The following SOX6 variants were observed in gnomAD, a reference collection of about 807,000 sequenced individuals.
SOX6 encodes the protein SRY-box transcription factor 6.
A neutral mutation model predicts 97.8 loss-of-function variants in SOX6; 11 were observed. That is an observed-to-expected ratio of 0.11 (90% CI 0.07 to 0.19). The LOEUF is 0.19. Among genes scored for constraint, SOX6 ranks in the 10% least tolerant of loss-of-function variants. SOX6 has a pLI of 1.00. For synonymous variants in SOX6, 360 were observed against 371.4 expected (o/e 0.97, Z 0.35); for missense variants, 810 against 1,039.5 (o/e 0.78, Z 3.04).
intron 2 of SOX6, among the ~76,000 whole-genome samples, chr11:16,328,361 T>G (rs1241115348): frequency 6.6e-6 from 1 of 152,296 alleles, no homozygotes; most frequent in African/African-American, 2.4e-5. Context: ...GAGCTACAAT[T>G]TATGTAAAGA....
chr11:16,297,864 G>A (rs550157457), intron 3 of SOX6, among the ~76,000 whole-genome samples: 1 of 152,284 alleles, frequency 6.6e-6, no homozygotes, highest in East Asian at 1.9e-4. Context: ...GGGGGAATAA[G>A]GAACAGCAGA....
At chr11:16,474,102 T>C (rs1253409660) in intron 1 of SOX6, among the ~76,000 whole-genome samples, 2 of 152,242 alleles carry the variant, frequency 1.3e-5, no homozygotes. Context: ...AGTTGTATCA[T>C]GAGACTGCAG....
At chr11:16,364,090 T>C (rs2134381544) in intron 1 of SOX6, among the ~76,000 whole-genome samples, 1 of 152,258 alleles carries the variant, frequency 6.6e-6, no homozygotes, top group South Asian at 2.1e-4. Context: ...ACCCAACAAA[T>C]TAACTATAAA....
At chr11:16,365,501 T>C (rs1857335145) in intron 1 of SOX6, among the ~76,000 whole-genome samples, 1 of 151,930 alleles carries the variant, frequency 6.6e-6, no homozygotes, top group South Asian at 2.1e-4. Flanking sequence ...TTGATCAACA[T>C]AGTAAAAAAA....
intron 6 of SOX6, among the ~76,000 whole-genome samples, chr11:16,175,631 TCAGG>T (rs1341801107): frequency 2.5e-4 from 38 of 152,048 alleles, no homozygotes; most frequent in Non-Finnish European, 4.1e-4. Flanking sequence ...CTTACATATG[TCAGG>T]ATGCAAGATT....
chr11:15,970,773 A>C lies in SOX6; in HGVS notation c.*2036T>G, dbSNP rs11023803. 9,695 of 152,724 alleles carry C rather than the reference A, an allele frequency of 0.063. 711 individuals are homozygous for C. The highest frequency in any genetic ancestry group is 0.38 in the East Asian group (1,936 of 5,162). The allele number at this position is 152,724 out of a possible 1,614,324, so 9.5% of individuals were successfully genotyped here. On this transcript the variant is annotated 3_prime_UTR_variant, in exon 16 of 16. Transcript: ENST00000683767. ...CACTCTTAAATAAATACAAAGGTACACTATTTTCTTCCAAGTGACAAAATG... is the reference window on the plus strand; with the variant it reads ...CACTCTTAAATAAATACAAAGGTACCCTATTTTCTTCCAAGTGACAAAATG...
At chr11:16,218,369 A>G (rs554791535) in intron 4 of SOX6, among the ~76,000 whole-genome samples, 1 of 152,286 alleles carries the variant, frequency 6.6e-6, no homozygotes, top group African/African-American at 2.4e-5. Context: ...TACTACTTAC[A>G]TACTACAAAC....
intron 12 of SOX6, among the ~76,000 whole-genome samples, chr11:16,039,886 G>A (rs908943393): frequency 6.6e-6 from 1 of 151,766 alleles, no homozygotes; most frequent in African/African-American, 2.4e-5. Flanking sequence ...AGTGTAAAAG[G>A]CCCCTGAGAC....
intron 15 of SOX6, among the ~76,000 whole-genome samples, chr11:15,978,571 G>A (rs1246838612): frequency 2.0e-5 from 3 of 151,152 alleles, no homozygotes; most frequent in Non-Finnish European, 4.4e-5. Context: ...TCTAAGCACC[G>A]AAGTCCCCAT....
chr11:16,407,922 C>T (rs936700186), intron 1 of SOX6, among the ~76,000 whole-genome samples: 1 of 151,886 alleles, frequency 6.6e-6, no homozygotes, highest in African/African-American at 2.4e-5. Flanking sequence ...ATTTTTATTC[C>T]CTTTTCATTT....
In SOX6 at chr11:16,389,969, T is replaced by TAAAAAAAAAAAAAAAAAAAAAAAAA. The variant is rs536056301; in HGVS notation, c.-4-48742_-4-48718dup. 1.3e-3 allele frequency among the ~76,000 whole-genome samples: 56 copies of TAAAAAAAAAAAAAAAAAAAAAAAAA among 41,846 alleles called. 4 individuals carry two copies. The highest frequency in any genetic ancestry group is 1.9e-3 in the South Asian group (1 of 530). 27.5% of individuals were successfully genotyped at this position (41,846 alleles called of 152,430 possible). On this transcript the variant is annotated intron_variant, in intron 1 of 15. Transcript: ENST00000396356. ...TGGGCGACAGGGCAAGACTCCGTCT[T>TAAAAAAAAAAAAAAAAAAAAAAAAA]AAAAAAAAAAAAAAAAAAAAAAAAA...
chr11:16,514,258 T>C (rs1224843433), intron 4 of SOX6, among the ~76,000 whole-genome samples: 1 of 149,932 alleles, frequency 6.7e-6, no homozygotes, highest in Non-Finnish European at 1.5e-5. Flanking sequence ...AATACCACCA[T>C]GTACATATTG....
At chr11:16,576,432 T>TA (rs1405337899) in intron 4 of SOX6, among the ~76,000 whole-genome samples, 1 of 152,144 alleles carries the variant, frequency 6.6e-6, no homozygotes, top group East Asian at 1.9e-4. Flanking sequence ...CCACATGATA[T>TA]AAAATCCCAC....
At chr11:16,472,846 T>G (rs1860163478) in intron 1 of SOX6, among the ~76,000 whole-genome samples, 1 of 152,088 alleles carries the variant, frequency 6.6e-6, no homozygotes, top group Admixed American at 6.5e-5. Flanking sequence ...TCTTTAAAAT[T>G]CCTTTATAGC....
At chr11:16,540,519 G>A (rs1426266973) in intron 4 of SOX6, among the ~76,000 whole-genome samples, 2 of 152,120 alleles carry the variant, frequency 1.3e-5, no homozygotes, top group South Asian at 2.1e-4. Context: ...TAGGAAAAGA[G>A]GAAGTCAAAT....
chr11:16,590,007 C>CA lies in SOX6; in HGVS notation n.609+22073dup, dbSNP rs1451384440. ...CTATAAAAAAGGTTAAAATAATATA[C>CA]AAAAAAATAATATGACAACAAACGT... On this transcript the variant is annotated intron_variant and non_coding_transcript_variant, in intron 4 of 5. Transcript: ENST00000524520. Among the ~76,000 whole-genome samples, 15 of 152,100 alleles carry CA rather than the reference C, an allele frequency of 9.9e-5. 1 individual carries two copies. Among genetic ancestry groups the CA allele is most frequent in the South Asian group, 2.1e-4 (1 of 4,816 alleles).
chr11:16,006,162 A>C (rs1444192761), intron 13 of SOX6, among the ~76,000 whole-genome samples: 1 of 152,084 alleles, frequency 6.6e-6, no homozygotes, highest in Non-Finnish European at 1.5e-5. Flanking sequence ...ATAACATGGA[A>C]AGATATCCAC....
intron 12 of SOX6, among the ~76,000 whole-genome samples, chr11:16,015,818 G>A (rs1442278022): frequency 6.6e-6 from 1 of 151,970 alleles, no homozygotes; most frequent in African/African-American, 2.4e-5. Context: ...CAGAAAAACA[G>A]CTCATGTCCC....
intron 13 of SOX6, among the ~76,000 whole-genome samples, chr11:15,995,851 A>T (rs912842942): frequency 6.6e-6 from 1 of 152,226 alleles, no homozygotes; most frequent in African/African-American, 2.4e-5. Context: ...AAGGAAATAA[A>T]TTCAGAGTTT....
Sources: allele counts gnomAD v4.1 joint callset (sites outside exome capture counted in the v4.1 genomes callset), GRCh38; gene constraint gnomAD v4.1.1; transcripts MANE v1.5; gene names NCBI Gene and HGNC (gene_info 2026-07-23, HGNC 2026-07-21).